Variants in VAX2 observed in about 807,000 individuals in gnomAD.
The protein encoded by VAX2 is ventral anterior homeobox 2.
In VAX2, 8 loss-of-function variants were observed where a neutral mutation model predicts 12.5. That is an observed-to-expected ratio of 0.64 (90% CI 0.37 to 1.15). The LOEUF is 1.15. Ranked by LOEUF, VAX2 falls within the 50% of genes most tolerant of loss-of-function variation. The pLI, the probability that VAX2 is intolerant of heterozygous loss-of-function variation, is 0.01. For missense variants in VAX2, 476 were observed against 412.9 expected (o/e 1.15, Z -1.32); for synonymous variants, 183 against 187.6 (o/e 0.98, Z 0.20).
chr2:70,927,918 A>T (rs1392681362), intron 2 of VAX2, among the ~76,000 whole-genome samples: 5 of 152,178 alleles, frequency 3.3e-5, no homozygotes, highest in African/African-American at 1.2e-4. Context: ...GAGACAGCCC[A>T]GAAGGTGCAC....
chr2:70,907,912 A>G (rs548855691), intron 1 of VAX2, among the ~76,000 whole-genome samples: 5 of 152,364 alleles, frequency 3.3e-5, no homozygotes, highest in African/African-American at 9.6e-5. Context: ...TGCAGTGATC[A>G]TCTTCTCTGC....
intron 1 of VAX2, among the ~76,000 whole-genome samples, chr2:70,902,031 G>T (rs998973841): frequency 1.3e-5 from 2 of 152,230 alleles, no homozygotes; most frequent in Non-Finnish European, 2.9e-5. Context: ...TTTGGCCTCC[G>T]CCTGGGGAAG....
intron 2 of VAX2, among the ~76,000 whole-genome samples, chr2:70,923,464 A>G (rs1287595373): frequency 2.0e-5 from 3 of 152,190 alleles, no homozygotes; most frequent in African/African-American, 7.2e-5. Flanking sequence ...ACAGTTCAAT[A>G]CTGACACTAA....
intron 1 of VAX2, among the ~76,000 whole-genome samples, chr2:70,916,686 G>A (rs1679312117): frequency 6.6e-6 from 1 of 152,164 alleles, no homozygotes; most frequent in African/African-American, 2.4e-5. Context: ...ATTGTTGTGT[G>A]TTTCAATCGT....
At chr2:70,919,468 T>A (rs1338972511) in intron 1 of VAX2, among the ~76,000 whole-genome samples, 1 of 151,934 alleles carries the variant, frequency 6.6e-6, no homozygotes, top group Non-Finnish European at 1.5e-5. Flanking sequence ...GACAAGAGGA[T>A]CACTTGAGCC....
intron 1 of VAX2, among the ~76,000 whole-genome samples, chr2:70,917,097 G>A (rs1371526297): frequency 2.0e-5 from 3 of 148,400 alleles, no homozygotes; most frequent in Non-Finnish European, 4.4e-5. Flanking sequence ...GTTGCAGTGA[G>A]CCGAGATCGC....
intron 2 of VAX2, among the ~76,000 whole-genome samples, chr2:70,931,029 C>T (rs1047086118): frequency 1.3e-5 from 2 of 152,100 alleles, no homozygotes; most frequent in Non-Finnish European, 2.9e-5. Context: ...GCATGAATGC[C>T]AGTCTCTCCT....
intron 1 of VAX2, among the ~76,000 whole-genome samples, chr2:70,918,116 C>T (rs3771393): frequency 0.8 from 121,799 of 152,202 alleles, 49,362 homozygotes; most frequent in African/African-American, 0.94. Flanking sequence ...GGCCTGTAGT[C>T]TCTAGAACAC....
chr2:70,911,881 G>A (rs959286592), intron 1 of VAX2, among the ~76,000 whole-genome samples: 7 of 152,084 alleles, frequency 4.6e-5, no homozygotes, highest in East Asian at 1.9e-4. Context: ...CTGCAGATGC[G>A]TTTATTTTTA....
intron 1 of VAX2, among the ~76,000 whole-genome samples, chr2:70,910,241 T>A (rs1442901233): frequency 6.6e-6 from 1 of 152,148 alleles, no homozygotes; most frequent in African/African-American, 2.4e-5. Context: ...AATTGGGGGA[T>A]AGGTATATCG....
In VAX2 at chr2:70,932,825, T is replaced by C. The variant is rs145701453; in HGVS notation, c.494T>C (p.Leu165Pro). ...CAGAAGAAAGACCAGAGCAGAGACC[T>C]GGAGAAGCGGGCGTCCTCCTCAGCC... The part of the protein sequence containing the change: ...TKQKKDQSRD[L>P]EKRASSSASE... The change falls in exon 3 of 3, where the codon CTG (leucine) becomes CCG (proline). Residue 165 changes from leucine (L) to proline (P), a missense_variant. By Grantham distance (98) the Leu-to-Pro change is moderately conservative. Coordinates refer to ENST00000234392, the MANE Select transcript of VAX2 (RefSeq NM_012476.3). The C allele has an allele frequency of 1.9e-6, 3 of 1,610,526 alleles. No individual in the cohort carries two copies. The African/African-American group carries it at 4.0e-5, about 22-fold the overall frequency.
chr2:70,903,404 C>A (rs974757131), intron 1 of VAX2, among the ~76,000 whole-genome samples: 1 of 152,184 alleles, frequency 6.6e-6, no homozygotes, highest in Non-Finnish European at 1.5e-5. Context: ...CTGCACTCCT[C>A]CACCTAAGGG....
At chr2:70,914,309 C>T (rs567748018) in intron 1 of VAX2, among the ~76,000 whole-genome samples, 26 of 152,100 alleles carry the variant, frequency 1.7e-4, no homozygotes, top group African/African-American at 2.2e-4. Context: ...AATTAGGGGG[C>T]GTGGTGATGG....
intron 1 of VAX2, 110 bp downstream of exon 1, chr2:70,900,978 T>C: frequency 9.4e-7 from 1 of 1,068,936 alleles, no homozygotes; most frequent in South Asian, 3.2e-5. Flanking sequence ...CATTCATTCG[T>C]CATCCAGTCA....
chr2:70,900,576 A>G lies in VAX2; in HGVS notation c.-46A>G, dbSNP rs1017725277. 8.9e-6 allele frequency: 11 copies of G among 1,233,094 alleles called. No individual in the cohort carries two copies. The highest frequency in any genetic ancestry group is 1.1e-5 in the Non-Finnish European group (11 of 988,402). 76.4% of individuals were successfully genotyped at this position (1,233,094 alleles called of 1,614,324 possible). On this transcript the variant is annotated 5_prime_UTR_variant, in exon 1 of 3. Coordinates refer to ENST00000234392, the MANE Select transcript of VAX2 (RefSeq NM_012476.3). ...GGGGCGGGGAGCGGCGCTCCCGGCC[A>G]GCGTAGGCTGGCTCCGCCGTAGAGG...
Position 70,933,297 on chromosome 2 carries a change from G to A in VAX2, c.*93G>A. The A allele has an allele frequency of 1.6e-6, 2 of 1,251,870 alleles. No homozygotes were observed. Among genetic ancestry groups the A allele is most frequent in the Non-Finnish European group, 2.1e-6 (2 of 963,340 alleles). 77.5% of individuals were successfully genotyped at this position (1,251,870 alleles called of 1,614,324 possible). Reference sequence around the variant, plus strand: ...GCACTGAGCAGGCCCCGGAGAGGAGGGGCTGCAGCCACACACTCTTCCCCA... The same window carrying A: ...GCACTGAGCAGGCCCCGGAGAGGAGAGGCTGCAGCCACACACTCTTCCCCA... On this transcript the variant is annotated 3_prime_UTR_variant, in exon 3 of 3. Transcript: ENST00000234392.
chr2:70,919,230 CAAAA>C (rs571460115), intron 1 of VAX2, among the ~76,000 whole-genome samples: 1 of 53,520 alleles, frequency 1.9e-5, no homozygotes, highest in Non-Finnish European at 3.7e-5. Flanking sequence ...TGTGTCTCCA[CAAAA>C]AAAAAAAAAA....
chr2:70,903,004 T>G (rs1678967261), intron 1 of VAX2, among the ~76,000 whole-genome samples: 1 of 152,212 alleles, frequency 6.6e-6, no homozygotes. Context: ...CCTTCCCCAT[T>G]TAATGATAGG....
chr2:70,916,412 T>C (rs1266161193), intron 1 of VAX2, among the ~76,000 whole-genome samples: 3 of 152,216 alleles, frequency 2.0e-5, no homozygotes. Flanking sequence ...TTGTTTTTTG[T>C]ATATAGTTCT....
Sources: gnomAD v4.1 joint callset for allele counts (sites outside exome capture counted in the v4.1 genomes callset) on GRCh38, gnomAD v4.1.1 for gene constraint, MANE v1.5 for transcripts, NCBI Gene and HGNC (gene_info 2026-07-23, HGNC 2026-07-21) for gene names.